Variants in MECOM observed in about 807,000 individuals in gnomAD.
MECOM encodes histone-lysine N-methyltransferase MECOM.
MECOM carries 13 observed loss-of-function variants against 116.3 expected under a neutral mutation model. That is an observed-to-expected ratio of 0.11 (90% confidence interval 0.07 to 0.18). The LOEUF (loss-of-function observed/expected upper bound fraction) is 0.18. Among genes scored for constraint, MECOM ranks in the 10% least tolerant of loss-of-function variants. The pLI, the probability that MECOM is intolerant of heterozygous loss-of-function variation, is 1.00. For synonymous variants in MECOM, 528 were observed against 535.2 expected (o/e 0.99, Z 0.19); for missense variants, 1,299 against 1,509.0 (o/e 0.86, Z 2.31).
intron 2 of MECOM, among the ~76,000 whole-genome samples, chr3:169,364,051 G>T (rs376826980): frequency 6.6e-6 from 1 of 151,846 alleles, no homozygotes; most frequent in African/African-American, 2.4e-5. Context: ...GTTTGCTGTG[G>T]TTTACTCTTA....
At chr3:169,193,669 AT>A (rs1162617910) in intron 2 of MECOM, among the ~76,000 whole-genome samples, 3 of 151,978 alleles carry the variant, frequency 2.0e-5, no homozygotes, top group African/African-American at 7.2e-5. Flanking sequence ...TAAATAAAAA[AT>A]ATTTAATTCT....
At chr3:169,584,572 A>C (rs1432432005) in intron 1 of MECOM, among the ~76,000 whole-genome samples, 1 of 151,466 alleles carries the variant, frequency 6.6e-6, no homozygotes, top group African/African-American at 2.4e-5. Flanking sequence ...CTCAAAAAAA[A>C]AAAAAAAAAA....
chr3:169,117,557 G>A (rs890765469), intron 7 of MECOM, among the ~76,000 whole-genome samples: 2 of 151,976 alleles, frequency 1.3e-5, no homozygotes, highest in Admixed American at 1.3e-4. Context: ...TGGGAAACAT[G>A]TCCACTTGTT....
At chr3:169,542,365 TC>T (rs1255441548) in intron 1 of MECOM, among the ~76,000 whole-genome samples, 3 of 151,504 alleles carry the variant, frequency 2.0e-5, no homozygotes, top group Non-Finnish European at 4.4e-5. Flanking sequence ...GCAATACGAC[TC>T]CCCCCTCCGC....
intron 1 of MECOM, among the ~76,000 whole-genome samples, chr3:169,647,551 C>T (rs1192779424): frequency 1.3e-5 from 2 of 151,830 alleles, no homozygotes. Context: ...TAAACATCCA[C>T]ACCAAAAAAA....
Position 169,643,677 on chromosome 3 carries a change from C to G in MECOM, c.37+19659G>C, listed in dbSNP as rs1381258704. Among the ~76,000 whole-genome samples the G allele has an allele frequency of 2.0e-5, 3 of 152,212 alleles. No homozygotes were observed. In the East Asian group the frequency reaches 5.8e-4, roughly 29 times the overall value. ...CAAGTGGAAGCTTCAAAAACATTAA[C>G]TGAGGGCATCATGACAACTCTGGCC... On this transcript the variant is annotated intron_variant, in intron 1 of 16. Transcript: ENST00000651503.
At position 169,285,930 on chromosome 3, in the gene MECOM, G is replaced by A. The variant is rs139716388; in HGVS notation, c.375+95257C>T. ...AAACAGCTGTTTTCAACCAACTTTC[G>A]CTGTGAATGTACTTTTGTGTGTTTA... is the stretch of plus-strand genomic sequence containing the variant. On this transcript the variant is annotated intron_variant, in intron 2 of 16. Coordinates refer to ENST00000651503, the MANE Select transcript of MECOM (RefSeq NM_004991.4). Among the ~76,000 whole-genome samples the A allele has an allele frequency of 9.1e-4, 139 of 152,194 alleles. 1 individual carries two copies. Among genetic ancestry groups the A allele is most frequent in the African/African-American group, 2.9e-3 (119 of 41,520 alleles).
chr3:169,429,904 T>C (rs1208955569), intron 1 of MECOM, among the ~76,000 whole-genome samples: 1 of 152,218 alleles, frequency 6.6e-6, no homozygotes, highest in Non-Finnish European at 1.5e-5. Flanking sequence ...AGGTAGTCTC[T>C]GTGTTGCAGA....
At chr3:169,335,808 C>G (rs1723497706) in intron 2 of MECOM, among the ~76,000 whole-genome samples, 1 of 151,934 alleles carries the variant, frequency 6.6e-6, no homozygotes, top group Non-Finnish European at 1.5e-5. Flanking sequence ...GCATTTGATT[C>G]ATTATTATGA....
intron 1 of MECOM, among the ~76,000 whole-genome samples, chr3:169,662,938 TC>T (rs1553910590): frequency 7.0e-6 from 1 of 143,534 alleles, no homozygotes; most frequent in South Asian, 2.5e-4. Context: ...GAGGCAACTC[TC>T]CCCCGCCTGG....
chr3:169,536,879 A>G (rs1163816035), intron 1 of MECOM, among the ~76,000 whole-genome samples: 3 of 152,184 alleles, frequency 2.0e-5, no homozygotes, highest in African/African-American at 4.8e-5. Flanking sequence ...TTATTTTTCA[A>G]TCTCACAATC....
chr3:169,175,785 T>C (rs190140916), intron 2 of MECOM, among the ~76,000 whole-genome samples: 1 of 152,256 alleles, frequency 6.6e-6, no homozygotes, highest in Admixed American at 6.5e-5. Context: ...AGGTACTCAA[T>C]AATAATTCCC....
chr3:169,384,310 A>G (rs887399976), intron 1 of MECOM, among the ~76,000 whole-genome samples: 2 of 152,214 alleles, frequency 1.3e-5, no homozygotes, highest in African/African-American at 4.8e-5. Flanking sequence ...GAAATAGAAC[A>G]TGATGAATTG....
At chr3:169,391,264 G>A (rs1173981834) in intron 1 of MECOM, among the ~76,000 whole-genome samples, 1 of 152,150 alleles carries the variant, frequency 6.6e-6, no homozygotes, top group Non-Finnish European at 1.5e-5. Flanking sequence ...TTGAAAATGA[G>A]CAATGGTCCT....
chr3:169,183,224 T>A (rs1326710013), intron 2 of MECOM, among the ~76,000 whole-genome samples: 1 of 152,186 alleles, frequency 6.6e-6, no homozygotes, highest in Non-Finnish European at 1.5e-5. Context: ...GCTAGTGAGC[T>A]TATCTGGATT....
chr3:169,230,338 C>T (rs960146376), intron 2 of MECOM, among the ~76,000 whole-genome samples: 36 of 152,036 alleles, frequency 2.4e-4, no homozygotes, highest in East Asian at 1.2e-3. Flanking sequence ...AGCATCTTGC[C>T]TCCTTGATGT....
At chr3:169,601,858 T>G (rs545308490) in intron 1 of MECOM, among the ~76,000 whole-genome samples, 1 of 152,362 alleles carries the variant, frequency 6.6e-6, no homozygotes, top group South Asian at 2.1e-4. Flanking sequence ...AAAAATACCC[T>G]GCAATGCTGC....
At chr3:169,128,543 C>A (rs1370498344) in intron 4 of MECOM, among the ~76,000 whole-genome samples, 4 of 152,134 alleles carry the variant, frequency 2.6e-5, no homozygotes, top group Admixed American at 2.0e-4. Context: ...CTATTCCATA[C>A]ACTTCTTATT....
At chr3:169,566,096 TAA>T (rs1763203398) in intron 1 of MECOM, 2 of 331,802 alleles carry the variant, frequency 6.0e-6, no homozygotes, top group African/African-American at 4.5e-5. Context: ...CAAATACTTG[TAA>T]ACCATCAGAT....
Sources: gnomAD v4.1 joint callset for allele counts (sites outside exome capture counted in the v4.1 genomes callset) on GRCh38, gnomAD v4.1.1 for gene constraint, MANE v1.5 for transcripts, NCBI Gene and HGNC (gene_info 2026-07-23, HGNC 2026-07-21) for gene names.